MAPK11: variants seen among roughly 807,000 people sequenced by gnomAD.
MAPK11 encodes MAP kinase 11.
Under a neutral mutation model 52.2 loss-of-function variants are expected in MAPK11, and 44 were observed. That is an observed-to-expected ratio of 0.84 (90% confidence interval 0.66 to 1.08). The LOEUF is 1.08. MAPK11 is among the 50% of genes least tolerant of loss of function. The probability of loss-of-function intolerance (pLI) is 0.00; values close to 1 mark genes in which losing one functional copy is unlikely to be tolerated. For synonymous variants in MAPK11, 233 were observed against 206.3 expected (o/e 1.13, Z -1.11); for missense variants, 436 against 494.7 (o/e 0.88, Z 1.13).
intron 9 of MAPK11, 44 bp downstream of exon 9, chr22:50,266,182 C>T (rs2147268988): frequency 6.8e-7 from 1 of 1,476,204 alleles, no homozygotes; most frequent in Non-Finnish European, 9.2e-7. Context: ...AGCCTGGGGG[C>T]TCAGCCAGGA....
rs376547824 is a variant in MAPK11 at position 50,267,275 on chromosome 22, C to G, written c.429G>C (p.Ser143=). 1 of 1,603,406 alleles carries G rather than the reference C, an allele frequency of 6.2e-7. No individual in the cohort carries two copies. The highest frequency in any genetic ancestry group is 8.5e-7 in the Non-Finnish European group (1 of 1,176,850). ...CACCTACCCGGTGGATGATCCCGGC[C>G]GAGTGGATGTACTGCGGGAGGGGGA... is the stretch of plus-strand genomic sequence containing the variant. The part of the protein sequence containing the change: ...QLLRGLKYIH[S]AGIIHRDLKP... The change falls in exon 5 of 12, where the codon TCG becomes TCC. Residue 143 remains serine (S), a synonymous_variant. Transcript: ENST00000330651.
rs1221338963 is a variant in MAPK11 at position 50,270,151 on chromosome 22, CA to C, written c.116+25del. 2.4e-6 allele frequency: 3 copies of C among 1,268,268 alleles called. No individual in the cohort carries two copies. In the East Asian group the frequency reaches 9.2e-5, roughly 39 times the overall value. 78.6% of individuals were successfully genotyped at this position (1,268,268 alleles called of 1,614,324 possible). A position where few individuals can be genotyped will look rare whatever the true frequency, so the allele number is the denominator to read the frequency against. ...TCTCCGGCCCGGCCCGGCCCCCACC[CA>C]GCACCCCTTCTGCCCCGCCCCTACC... On this transcript the variant is annotated intron_variant, in intron 1 of 11. Transcript: ENST00000330651. The surrounding 1 kb of genome is among the most constrained non-coding windows in gnomAD (Gnocchi z 6.3).
chr22:50,267,870 G>A lies in MAPK11; in HGVS notation c.196C>T (p.Arg66Cys). 4 of 1,589,356 alleles carry A rather than the reference G, an allele frequency of 2.5e-6. No individual in the cohort carries two copies. Among genetic ancestry groups the A allele is most frequent in the Non-Finnish European group, 3.4e-6 (4 of 1,170,480 alleles). The stretch of plus-strand genomic sequence containing the variant: ...AGCCGCAGCTCCCGGTACGTTCTGC[G>A]CGCGTGGATCAGCGACTGGAAGGGG... Reference protein sequence around the residue: ...SRPFQSLIHARRTYRELRLLK... With the variant: ...SRPFQSLIHACRTYRELRLLK... Residue 66 changes from arginine (R) to cysteine (C), a missense_variant, in exon 2 of 12, where the codon CGC becomes TGC. By Grantham distance (180) the Arg-to-Cys change is radical (BLOSUM62 -3). Coordinates refer to ENST00000330651, the MANE Select transcript of MAPK11 (RefSeq NM_002751.7).
chr22:50,265,258 C>CT, intron 11 of MAPK11, 63 bp downstream of exon 11: 2 of 1,585,920 alleles, frequency 1.3e-6, no homozygotes, highest in African/African-American at 1.3e-5. Flanking sequence ...GGGGCATTTC[C>CT]TGCCTCTGGG....
Position 50,267,335 on chromosome 22 carries a change from C to T in MAPK11, c.417+36G>A, listed in dbSNP as rs369488755. ...GCGCCGGGCCCGGCCCGCCCGCCCC[C>T]CTGCGAGAGGACCCGCGAAGCCCAG... On this transcript the variant is annotated intron_variant, in intron 4 of 11. Coordinates refer to ENST00000330651, the MANE Select transcript of MAPK11 (RefSeq NM_002751.7). The T allele has an allele frequency of 4.9e-5, 78 of 1,592,916 alleles. No homozygotes were observed. In the South Asian group the frequency reaches 7.2e-4, roughly 15 times the overall value.
rs998958175 is a variant in MAPK11, at chr22:50,265,570, G to C, written c.841+12C>G. On this transcript the variant is annotated intron_variant, in intron 10 of 11. Transcript: ENST00000330651. ...AGATATGGAGCCCAGTCTAGCCCAGGGCAGTCCTCACCCAGGGGGTTGGCT... is the reference window on the plus strand; with the variant it reads ...AGATATGGAGCCCAGTCTAGCCCAGCGCAGTCCTCACCCAGGGGGTTGGCT... 3.7e-6 allele frequency: 6 copies of C among 1,612,498 alleles called. No individual in the cohort carries two copies. The highest frequency in any genetic ancestry group is 5.1e-6 in the Non-Finnish European group (6 of 1,179,720).
intron 7 of MAPK11, 148 bp downstream of exon 7, chr22:50,266,786 T>C: frequency 1.0e-6 from 1 of 957,792 alleles, no homozygotes; most frequent in Non-Finnish European, 1.6e-6. Context: ...GCACCCATCA[T>C]GCTCTAGCGG....
At chr22:50,266,841 A>T in intron 7 of MAPK11, 93 bp downstream of exon 7, 3 of 1,246,600 alleles carry the variant, frequency 2.4e-6, no homozygotes, top group Non-Finnish European at 3.4e-6. Flanking sequence ...ATTCTTGGGG[A>T]CCTTGCCTGC....
intron 2 of MAPK11, 57 bp from the exon 3 acceptor site, chr22:50,267,684 C>G (rs1186987707): frequency 7.5e-6 from 11 of 1,476,218 alleles, no homozygotes; most frequent in Non-Finnish European, 9.9e-6. Context: ...CGTTCAGCTC[C>G]CCCCGGGCCA....
At position 50,264,030 on chromosome 22, in the gene MAPK11, G is replaced by GCGTCT. The variant is rs1204412282; in HGVS notation, c.*917_*918insAGACG. 1 of 152,488 alleles carries GCGTCT rather than the reference G, an allele frequency of 6.6e-6. No homozygotes were observed. The highest frequency in any genetic ancestry group is 2.4e-5 in the African/African-American group (1 of 41,422). The allele number at this position is 152,488 out of a possible 1,614,324, so 9.4% of individuals were successfully genotyped here. A position where few individuals can be genotyped will look rare whatever the true frequency, so the allele number is the denominator to read the frequency against. ...ACATCCAGGTGTGCTGCCTGCCCTAGCGTCCTCAAGGCCAAACCACCCACC... is the reference window on the plus strand; with the variant it reads ...ACATCCAGGTGTGCTGCCTGCCCTAGCGTCTCGTCCTCAAGGCCAAACCACCCACC... On this transcript the variant is annotated 3_prime_UTR_variant, in exon 12 of 12. Transcript: ENST00000330651.
chr22:50,265,111 A>C, intron 11 of MAPK11, 84 bp from the exon 12 acceptor site: 1 of 1,321,484 alleles, frequency 7.6e-7, no homozygotes. Context: ...CACCCAGCCC[A>C]GGCCCACCAC....
At chr22:50,267,350 G>A (rs35211572) in intron 4 of MAPK11, 21 bp downstream of exon 4, 14 of 1,056,372 alleles carry the variant, frequency 1.3e-5, no homozygotes, top group Admixed American at 2.0e-5. Flanking sequence ...GAGAGGACCC[G>A]CGAAGCCCAG....
Position 50,266,967 on chromosome 22 carries a change from TCTCA to T in MAPK11, c.573_576del (p.Glu192SerfsTer40). The T allele has an allele frequency of 6.2e-7, 1 of 1,611,928 alleles. No homozygotes were observed. Among genetic ancestry groups the T allele is most frequent in the Non-Finnish European group, 8.5e-7 (1 of 1,179,972 alleles). ...TTGTAATGCATCCAGTTGAGCATGA[TCTCA>T]GGTGCCCGGTACCAGCGCGTGGCCA... On this transcript the variant is annotated frameshift_variant, in exon 7 of 12. Transcript: ENST00000330651. LOFTEE classifies it high-confidence loss of function.
At chr22:50,267,347 C>A (rs965074907) in intron 4 of MAPK11, 24 bp downstream of exon 4, 32 of 1,592,530 alleles carry the variant, frequency 2.0e-5, no homozygotes, top group Non-Finnish European at 2.7e-5. Context: ...TGCGAGAGGA[C>A]CCGCGAAGCC....
chr22:50,267,406 G>A lies in MAPK11; in HGVS notation c.382C>T (p.Gln128Ter). The change falls in exon 4 of 12, where the codon CAA (glutamine) becomes TAA (stop). Residue 128 changes from glutamine (Q) to a stop codon, truncating the protein, a stop_gained. Transcript: ENST00000330651. LOFTEE classifies it high-confidence loss of function. ...KCQALSDEHV[Q>*]FLVYQLLRGL... ...CGCAGCAGCTGGTAAACCAGGAATT[G>A]AACGTGCTCGTCGCTCAGCGCCTGG... 6.2e-7 allele frequency: 1 copy of A among 1,602,132 alleles called. No individual in the cohort carries two copies. The highest frequency in any genetic ancestry group is 8.5e-7 in the Non-Finnish European group (1 of 1,173,916).
chr22:50,267,528 G>A (rs373895770), intron 3 of MAPK11, 41 bp downstream of exon 3: 1 of 1,556,472 alleles, frequency 6.4e-7, no homozygotes, highest in Non-Finnish European at 8.7e-7. Context: ...CCGCCCCACC[G>A]CGAACGCGCT....
intron 9 of MAPK11, 31 bp from the exon 10 acceptor site, chr22:50,265,691 T>A: frequency 7.3e-7 from 1 of 1,378,224 alleles, no homozygotes; most frequent in Non-Finnish European, 1.0e-6. Flanking sequence ...CTGGGGAGGC[T>A]GCTCACTCTC....
Position 50,264,730 on chromosome 22 carries a change from G to T in MAPK11, c.*218C>A. 1 of 521,674 alleles carries T rather than the reference G, an allele frequency of 1.9e-6. No homozygotes were observed. Among genetic ancestry groups the T allele is most frequent in the Non-Finnish European group, 3.5e-6 (1 of 288,360 alleles). The allele number at this position is 521,674 out of a possible 1,614,324, so 32.3% of individuals were successfully genotyped here. Reference sequence around the variant, plus strand: ...GACAGGAGGACCAAGGTAGGCCCAGGGACACTTGTGCCCAGACTCCTACAC... The same window carrying T: ...GACAGGAGGACCAAGGTAGGCCCAGTGACACTTGTGCCCAGACTCCTACAC... On this transcript the variant is annotated 3_prime_UTR_variant, in exon 12 of 12. Transcript: ENST00000330651.
At position 50,267,419 on chromosome 22, in the gene MAPK11, G is replaced by A; in HGVS notation, c.369C>T (p.Ser123=). ...LNNIVKCQAL[S]DEHVQFLVYQ... ...AAACCAGGAATTGAACGTGCTCGTC[G>A]CTCAGCGCCTGGCACTTGACGATGT... The change falls in exon 4 of 12, where the codon AGC becomes AGT. Residue 123 remains serine (S), a synonymous_variant. Transcript: ENST00000330651. The A allele has an allele frequency of 6.2e-7, 1 of 1,610,820 alleles. No homozygotes were observed. Among genetic ancestry groups the A allele is most frequent in the Non-Finnish European group, 8.5e-7 (1 of 1,179,104 alleles).
Sources: gnomAD v4.1 joint callset for allele counts on GRCh38, gnomAD v4.1.1 for gene constraint, Gnocchi (gnomAD v3.1) non-coding constraint, MANE v1.5 for transcripts, NCBI Gene and HGNC (gene_info 2026-07-23, HGNC 2026-07-21) for gene names.